GNB1L: variants seen among roughly 807,000 people sequenced by gnomAD.
The protein encoded by GNB1L is G protein subunit beta 1 like.
A neutral mutation model predicts 29.1 loss-of-function variants in GNB1L; 20 were observed. The observed-to-expected ratio is 0.69, with a 90% CI of 0.48 to 1.00. The LOEUF (loss-of-function observed/expected upper bound fraction) is 1.00. Among genes scored for constraint, GNB1L ranks in the 50% least tolerant of loss-of-function variants. The probability of loss-of-function intolerance (pLI) is 0.00; values close to 1 mark genes in which losing one functional copy is unlikely to be tolerated. For missense variants in GNB1L, 421 were observed against 464.9 expected (o/e 0.91, Z 0.87); for synonymous variants, 193 against 206.5 (o/e 0.93, Z 0.56).
intron 2 of GNB1L, chr22:19,852,596 T>G: frequency 6.9e-6 from 2 of 289,902 alleles, no homozygotes; most frequent in Non-Finnish European, 6.4e-6. Flanking sequence ...ACTAGGAGCT[T>G]TGAATGGAAG....
chr22:19,828,201 C>T (rs567921785), intron 2 of GNB1L, among the ~76,000 whole-genome samples: 1 of 152,118 alleles, frequency 6.6e-6, no homozygotes, highest in East Asian at 1.9e-4. Flanking sequence ...TTCCAAAACG[C>T]TAAAATTAGA....
At position 19,788,801 on chromosome 22, in the gene GNB1L, C is replaced by T. The variant is rs1374224888; in HGVS notation, c.892G>A (p.Val298Ile). Reference sequence around the variant, plus strand: ...TCGGCGGTGAAGGCCACGCACTGGACAGCGGCGCTGTGGAAGGCCAGCACG... The same window carrying T: ...TCGGCGGTGAAGGCCACGCACTGGATAGCGGCGCTGTGGAAGGCCAGCACG... ...LAVLAFHSAA[V>I]QCVAFTADGL... is the part of the protein sequence containing the mutation. Residue 298 changes from valine to isoleucine, a missense_variant, in exon 8 of 8, where the codon GTC becomes ATC. Transcript: ENST00000329517. 1.9e-6 allele frequency: 3 copies of T among 1,612,544 alleles called. No individual in the cohort carries two copies. Among genetic ancestry groups the T allele is most frequent in the Non-Finnish European group, 2.5e-6 (3 of 1,179,894 alleles).
At chr22:19,812,179 C>T (rs1678741945) in intron 5 of GNB1L, 106 bp downstream of exon 5, 5 of 1,201,016 alleles carry the variant, frequency 4.2e-6, no homozygotes, top group Non-Finnish European at 5.7e-6. Flanking sequence ...GGCAGGTGGG[C>T]GGCTCCATGG....
intron 6 of GNB1L, among the ~76,000 whole-genome samples, chr22:19,802,837 C>T (rs961221729): frequency 3.9e-5 from 6 of 152,254 alleles, no homozygotes; most frequent in South Asian, 4.1e-4. Context: ...AATGAGGGCG[C>T]GGGTCAGAGG....
chr22:19,830,065 T>C (rs571490303), intron 2 of GNB1L, among the ~76,000 whole-genome samples: 5 of 152,122 alleles, frequency 3.3e-5, no homozygotes, highest in Admixed American at 1.3e-4. Context: ...TTGAGTATAG[T>C]GGTACACGCC....
At chr22:19,789,225 C>G (rs1410486574) in intron 7 of GNB1L, among the ~76,000 whole-genome samples, 1 of 152,180 alleles carries the variant, frequency 6.6e-6, no homozygotes, top group Non-Finnish European at 1.5e-5. Context: ...CAGAGAGCAG[C>G]AGAGACAGGG....
chr22:19,806,359 C>T (rs796915722), intron 6 of GNB1L, among the ~76,000 whole-genome samples: 8 of 152,402 alleles, frequency 5.2e-5, no homozygotes, highest in African/African-American at 1.9e-4. Flanking sequence ...CCCCTCCTCA[C>T]CGCTCACTGG....
chr22:19,809,634 C>G lies in GNB1L; in HGVS notation c.417+2651G>C, dbSNP rs1208345824. Among the ~76,000 whole-genome samples the G allele has an allele frequency of 2.0e-5, 3 of 152,284 alleles. No homozygotes were observed. The South Asian group carries it at 6.2e-4, about 32-fold the overall frequency. The stretch of plus-strand genomic sequence containing the variant: ...TCACCCCTAGACACTGCTGTGGGGT[C>G]AAAGCCTCACAGCCTGCCTGTCTGT... On this transcript the variant is annotated intron_variant, in intron 5 of 7. Coordinates refer to ENST00000329517, the MANE Select transcript of GNB1L (RefSeq NM_053004.3).
chr22:19,814,374 C>T (rs1937517429), intron 4 of GNB1L, among the ~76,000 whole-genome samples: 1 of 152,184 alleles, frequency 6.6e-6, no homozygotes, highest in Admixed American at 6.5e-5. Flanking sequence ...GTCTCGGCCT[C>T]CTGAGTAGCT....
At chr22:19,853,165 C>A (rs1451514971) in intron 2 of GNB1L, among the ~76,000 whole-genome samples, 1 of 152,016 alleles carries the variant, frequency 6.6e-6, no homozygotes, top group African/African-American at 2.4e-5. Context: ...GGCAATGCCA[C>A]CCCCACCCAC....
At chr22:19,805,985 A>G (rs140843248) in intron 6 of GNB1L, among the ~76,000 whole-genome samples, 50 of 152,282 alleles carry the variant, frequency 3.3e-4, no homozygotes, top group African/African-American at 1.2e-3. Context: ...ACCTTGAGCC[A>G]GTGCTGGCCT....
rs1013013139 is a variant in GNB1L at position 19,818,889 on chromosome 22, G to C, written c.254+1709C>G. Among the ~76,000 whole-genome samples, 6 of 152,092 alleles carry C rather than the reference G, an allele frequency of 3.9e-5. 1 individual carries two copies. The highest frequency in any genetic ancestry group is 1.4e-4 in the African/African-American group (6 of 41,418). On this transcript the variant is annotated intron_variant, in intron 4 of 7. Coordinates refer to ENST00000329517, the MANE Select transcript of GNB1L (RefSeq NM_053004.3). ...TCCAGCATCCAGGCAGCCCAAAGGAGGACTTGTTGTCAGCCCCCTGCAGGC... is the reference window on the plus strand; with the variant it reads ...TCCAGCATCCAGGCAGCCCAAAGGACGACTTGTTGTCAGCCCCCTGCAGGC...
intron 7 of GNB1L, among the ~76,000 whole-genome samples, chr22:19,796,486 G>A (rs1399360767): frequency 6.6e-6 from 1 of 152,174 alleles, no homozygotes; most frequent in East Asian, 1.9e-4. Context: ...ATATCATTCA[G>A]ACCTTGTTCC....
chr22:19,838,937 A>T (rs1937811062), intron 2 of GNB1L, among the ~76,000 whole-genome samples: 1 of 152,238 alleles, frequency 6.6e-6, no homozygotes, highest in African/African-American at 2.4e-5. Flanking sequence ...TAAAACAGAA[A>T]ATAACCCAAA....
intron 2 of GNB1L, among the ~76,000 whole-genome samples, chr22:19,831,538 A>C (rs1937680374): frequency 6.6e-6 from 1 of 151,776 alleles, no homozygotes; most frequent in Non-Finnish European, 1.5e-5. Flanking sequence ...AAAAATACAA[A>C]AAATTAGCTG....
At chr22:19,792,464 G>A in intron 7 of GNB1L, 1 of 1,580,610 alleles carries the variant, frequency 6.3e-7, no homozygotes. Context: ...TTGTGAAATG[G>A]CCCCGCTATA....
At position 19,806,649 on chromosome 22, in the gene GNB1L, G is replaced by T; in HGVS notation, c.516+10C>A. On this transcript the variant is annotated intron_variant, in intron 6 of 7. Transcript: ENST00000329517. Reference sequence around the variant, plus strand: ...CCGGCAGGGCGTGGCTGGTGCACGCGGGGCCTTACCTGCCACAGCCGCAGG... The same window carrying T: ...CCGGCAGGGCGTGGCTGGTGCACGCTGGGCCTTACCTGCCACAGCCGCAGG... 1 of 1,580,582 alleles carries T rather than the reference G, an allele frequency of 6.3e-7. No homozygotes were observed. Among genetic ancestry groups the T allele is most frequent in the Non-Finnish European group, 8.7e-7 (1 of 1,152,128 alleles).
rs778831517 is a variant in GNB1L, at chr22:19,802,193, G to A, written c.540C>T (p.Leu180=). The change falls in exon 7 of 8, where the codon CTC becomes CTT. Residue 180 remains leucine, a synonymous_variant. Coordinates refer to ENST00000329517, the MANE Select transcript of GNB1L (RefSeq NM_053004.3). ...ATCCATCCTCATAGCCGGCCAGAAG[G>A]AGTGGGCGGGAGCTGCAGTCGGCCT... The part of the protein sequence containing the change: ...LWQADCSSRP[L]LLAGYEDGSV... The A allele has an allele frequency of 3.7e-6, 6 of 1,612,922 alleles. No individual in the cohort carries two copies. The highest frequency in any genetic ancestry group is 5.1e-6 in the Non-Finnish European group (6 of 1,179,998).
intron 2 of GNB1L, among the ~76,000 whole-genome samples, chr22:19,844,128 T>A (rs1006739380): frequency 6.6e-6 from 1 of 152,126 alleles, no homozygotes; most frequent in Non-Finnish European, 1.5e-5. Flanking sequence ...GGTGCCTACA[T>A]GCTGAACCCC....
Sources: allele counts gnomAD v4.1 joint callset (sites outside exome capture counted in the v4.1 genomes callset), GRCh38; gene constraint gnomAD v4.1.1; transcripts MANE v1.5; gene names NCBI Gene and HGNC (gene_info 2026-07-23, HGNC 2026-07-21).